The following PSPH variants were observed in gnomAD, a reference collection of about 807,000 sequenced individuals.
PSPH encodes the protein L-3-phosphoserine phosphatase.
In PSPH, 16 loss-of-function variants were observed where a neutral mutation model predicts 23.4. The observed-to-expected ratio is 0.68, with a 90% CI of 0.46 to 1.04. The LOEUF is 1.04. Among genes scored for constraint, PSPH ranks in the 50% least tolerant of loss-of-function variants. The pLI is 0.00. For synonymous variants in PSPH, 68 were observed against 99.7 expected (o/e 0.68, Z 1.89); for missense variants, 223 against 273.7 (o/e 0.81, Z 1.31).
rs1203347434 is a variant in PSPH at position 56,025,402 on chromosome 7, G to C, written c.-19-4171C>G. Reference sequence around the variant, plus strand: ...AGCCTCCTGAGCAGCTGGGACTACAGGCAGGCATGATATCTGGCTAATTTT... The same window carrying C: ...AGCCTCCTGAGCAGCTGGGACTACACGCAGGCATGATATCTGGCTAATTTT... On this transcript the variant is annotated intron_variant, in intron 3 of 7. Transcript: ENST00000275605. Among the ~76,000 whole-genome samples, 13 of 151,772 alleles carry C rather than the reference G, an allele frequency of 8.6e-5. No homozygotes were observed. In the South Asian group the frequency reaches 2.7e-3, roughly 32 times the overall value.
intron 1 of PSPH, among the ~76,000 whole-genome samples, chr7:56,050,835 A>G (rs1420092086): frequency 1.3e-5 from 2 of 152,166 alleles, no homozygotes; most frequent in East Asian, 3.9e-4. Flanking sequence ...AATTTTCACT[A>G]CATGCCCTTT....
intron 1 of PSPH, among the ~76,000 whole-genome samples, chr7:56,037,685 C>T (rs73140794): frequency 0.22 from 32,627 of 148,822 alleles, 3,736 homozygotes; most frequent in East Asian, 0.4. Context: ...TTCTATAGAT[C>T]ACATTTTTGT....
At chr7:56,025,641 T>G (rs1484001903) in intron 3 of PSPH, among the ~76,000 whole-genome samples, 2 of 151,236 alleles carry the variant, frequency 1.3e-5, no homozygotes, top group African/African-American at 4.9e-5. Context: ...CAGGCTGGAG[T>G]GTAGTGCAGT....
At chr7:56,034,677 G>C (rs909746732) in intron 1 of PSPH, among the ~76,000 whole-genome samples, 2 of 151,962 alleles carry the variant, frequency 1.3e-5, no homozygotes, top group African/African-American at 4.8e-5. Flanking sequence ...CACCACGCCC[G>C]GCTAATTTTT....
chr7:56,040,685 TC>T (rs1391790258), intron 1 of PSPH, among the ~76,000 whole-genome samples: 1 of 151,594 alleles, frequency 6.6e-6, no homozygotes, highest in Non-Finnish European at 1.5e-5. Context: ...GAGGCAGAAA[TC>T]CCATATTCAA....
chr7:56,027,877 A>C (rs1790432536), intron 3 of PSPH, among the ~76,000 whole-genome samples: 1 of 134,782 alleles, frequency 7.4e-6, no homozygotes, highest in Non-Finnish European at 1.6e-5. Flanking sequence ...ACACAGTAAG[A>C]TTCTTTCTCT....
At chr7:56,017,519 G>A (rs749582899) in intron 5 of PSPH, 140 bp from the exon 6 acceptor site, 32 of 1,477,818 alleles carry the variant, frequency 2.2e-5, no homozygotes, top group Non-Finnish European at 2.8e-5. Flanking sequence ...AAGGTATACT[G>A]CCTGGGGTGT....
chr7:56,020,702 G>A (rs1020871020), intron 4 of PSPH, among the ~76,000 whole-genome samples: 3 of 69,394 alleles, frequency 4.3e-5, no homozygotes, highest in East Asian at 1.2e-3. Flanking sequence ...GCTGCAGGGC[G>A]GGAGGGCAGG....
intron 1 of PSPH, among the ~76,000 whole-genome samples, chr7:56,046,639 C>G (rs536420195): frequency 3.5e-4 from 54 of 152,142 alleles, no homozygotes; most frequent in Non-Finnish European, 1.2e-4. Flanking sequence ...CACAAATTAG[C>G]TGGGCATGGT....
chr7:56,011,537 A>G lies in PSPH; in HGVS notation c.*225T>C. ...GAGCAAGATTCTGTCTCAAAAAAAA[A>G]AAAAACCTCTCCAGGAAATCAATAG... is the stretch of plus-strand genomic sequence containing the variant. On this transcript the variant is annotated 3_prime_UTR_variant, in exon 8 of 8. Transcript: ENST00000275605. 3.3e-6 allele frequency: 1 copy of G among 300,866 alleles called. No individual in the cohort carries two copies. The highest frequency in any genetic ancestry group is 6.3e-6 in the Non-Finnish European group (1 of 157,780). 18.6% of individuals were successfully genotyped at this position (300,866 alleles called of 1,614,324 possible).
chr7:56,021,257 TAA>T (rs371478233), intron 3 of PSPH, 26 bp from the exon 4 acceptor site: 1 of 1,533,590 alleles, frequency 6.5e-7, no homozygotes, highest in Admixed American at 1.9e-5. Flanking sequence ...TAAATGTATT[TAA>T]AGACATCAAA....
chr7:56,019,509 G>A, intron 5 of PSPH, 91 bp downstream of exon 5: 1 of 1,504,774 alleles, frequency 6.6e-7, no homozygotes, highest in South Asian at 1.2e-5. Flanking sequence ...ACCACCCAGA[G>A]GGCACTCTAA....
At chr7:56,026,177 T>C (rs1446979908) in intron 3 of PSPH, among the ~76,000 whole-genome samples, 1 of 152,074 alleles carries the variant, frequency 6.6e-6, no homozygotes, top group Non-Finnish European at 1.5e-5. Context: ...TAAGCAGTTA[T>C]TAAGAACTCA....
chr7:56,029,587 G>A (rs1163963942), intron 3 of PSPH, among the ~76,000 whole-genome samples: 6 of 151,734 alleles, frequency 4.0e-5, no homozygotes, highest in East Asian at 1.9e-4. Context: ...GCCAGCCTTC[G>A]GAGGTCTGAT....
intron 1 of PSPH, among the ~76,000 whole-genome samples, chr7:56,046,900 C>T (rs528190859): frequency 6.6e-6 from 1 of 151,798 alleles, no homozygotes; most frequent in African/African-American, 2.4e-5. Flanking sequence ...CAAGCCTGCT[C>T]TTTGTCCAGG....
intron 7 of PSPH, among the ~76,000 whole-genome samples, chr7:56,013,240 C>T (rs1293110844): frequency 1.3e-5 from 2 of 151,054 alleles, no homozygotes; most frequent in East Asian, 2.0e-4. Context: ...AATCCCTGGC[C>T]GGGCATGTTG....
chr7:56,028,847 C>G (rs902129455), intron 3 of PSPH, among the ~76,000 whole-genome samples: 3 of 152,062 alleles, frequency 2.0e-5, no homozygotes, highest in African/African-American at 7.2e-5. Flanking sequence ...GAGATGGGGT[C>G]TCACTCTGTT....
chr7:56,039,828 G>A (rs2117070956), intron 1 of PSPH, among the ~76,000 whole-genome samples: 1 of 149,544 alleles, frequency 6.7e-6, no homozygotes, highest in South Asian at 2.1e-4. Context: ...GCTGGGCGCA[G>A]TAGCTCACGC....
intron 5 of PSPH, among the ~76,000 whole-genome samples, chr7:56,018,921 A>G (rs1232138833): frequency 6.6e-6 from 1 of 151,402 alleles, no homozygotes; most frequent in Non-Finnish European, 1.5e-5. Flanking sequence ...AGTGAGCTCT[A>G]TTCATGCCAC....
Sources: allele counts gnomAD v4.1 joint callset (sites outside exome capture counted in the v4.1 genomes callset), GRCh38; gene constraint gnomAD v4.1.1; transcripts MANE v1.5; gene names NCBI Gene and HGNC (gene_info 2026-07-23, HGNC 2026-07-21).